Variants in RHOA observed in about 807,000 individuals in gnomAD.
The protein encoded by RHOA is transforming protein RhoA.
In RHOA, 3 loss-of-function variants were observed where a neutral mutation model predicts 17.5. The ratio of observed to expected loss-of-function variants is 0.17; its 90% confidence interval spans 0.08 to 0.44. The LOEUF is 0.44. RHOA is among the 20% of genes least tolerant of loss of function. The pLI, the probability that RHOA is intolerant of heterozygous loss-of-function variation, is 0.99. For missense variants in RHOA, 56 were observed against 242.3 expected (o/e 0.23, Z 5.10); for synonymous variants, 98 against 88.4 (o/e 1.11, Z -0.61).
intron 1 of RHOA, among the ~76,000 whole-genome samples, chr3:49,381,877 AGAC>A (rs951595170): frequency 6.6e-6 from 1 of 151,474 alleles, no homozygotes; most frequent in Non-Finnish European, 1.5e-5. Context: ...AAAAAAAAAA[AGAC>A]AGAGAGTGAA....
At chr3:49,371,713 C>G (rs2048149843) in intron 2 of RHOA, among the ~76,000 whole-genome samples, 1 of 152,204 alleles carries the variant, frequency 6.6e-6, no homozygotes, top group Non-Finnish European at 1.5e-5. Flanking sequence ...TTCCAGGGGA[C>G]TCTCCTCAAG....
chr3:49,370,425 T>C (rs193039647), intron 2 of RHOA, among the ~76,000 whole-genome samples: 248 of 152,278 alleles, frequency 1.6e-3, no homozygotes, highest in Non-Finnish European at 2.7e-3. Flanking sequence ...CTACCAGGCA[T>C]ACAGGCGAGA....
In RHOA at chr3:49,359,585, C is replaced by A. The variant is rs891870303; in HGVS notation, c.*624G>T. On this transcript the variant is annotated 3_prime_UTR_variant, in exon 5 of 5. Transcript: ENST00000418115. ...TTGAGGATGACAGTATTAGGAAATC[C>A]AATTATACAAAAAATACTACATCTA... 1 of 205,690 alleles carries A rather than the reference C, an allele frequency of 4.9e-6. No individual in the cohort carries two copies. The highest frequency in any genetic ancestry group is 1.0e-5 in the Non-Finnish European group (1 of 100,460). 12.7% of individuals were successfully genotyped at this position (205,690 alleles called of 1,614,324 possible).
rs1244172728 is a variant in RHOA at position 49,359,506 on chromosome 3, ATC to A, written c.*701_*702del. The A allele has an allele frequency of 2.0e-5, 4 of 197,774 alleles. No homozygotes were observed. The highest frequency in any genetic ancestry group is 4.2e-5 in the Non-Finnish European group (4 of 95,462). The allele number at this position is 197,774 out of a possible 1,614,324, so 12.3% of individuals were successfully genotyped here. A position where few individuals can be genotyped will look rare whatever the true frequency, so the allele number is the denominator to read the frequency against. ...CGGGAATTTAAAAAATGAATTTTCCATCTGACTTTATTTCCAAATACACTTTC... is the reference window on the plus strand; with the variant it reads ...CGGGAATTTAAAAAATGAATTTTCCATGACTTTATTTCCAAATACACTTTC... On this transcript the variant is annotated 3_prime_UTR_variant, in exon 5 of 5. Transcript: ENST00000418115.
At chr3:49,408,620 G>C (rs1357292052) in intron 1 of RHOA, among the ~76,000 whole-genome samples, 1 of 152,074 alleles carries the variant, frequency 6.6e-6, no homozygotes, top group Non-Finnish European at 1.5e-5. Flanking sequence ...AACCGTCTTG[G>C]AAATTTTAAT....
chr3:49,388,982 T>C (rs1010064310), intron 1 of RHOA, among the ~76,000 whole-genome samples: 2 of 152,044 alleles, frequency 1.3e-5, no homozygotes, highest in Non-Finnish European at 2.9e-5. Flanking sequence ...AAGAAACCAG[T>C]CACAAAGAAC....
intron 2 of RHOA, among the ~76,000 whole-genome samples, chr3:49,373,902 CCAAAAT>C (rs952933790): frequency 2.0e-5 from 3 of 150,736 alleles, no homozygotes; most frequent in Non-Finnish European, 4.4e-5. Context: ...CAAACCAAAA[CCAAAAT>C]TAAAACCCAA....
chr3:49,379,016 A>G (rs192921015), intron 1 of RHOA, among the ~76,000 whole-genome samples: 51 of 152,328 alleles, frequency 3.3e-4, no homozygotes, highest in African/African-American at 1.2e-3. Flanking sequence ...TGACCCTGCA[A>G]TTCTATTCCT....
intron 4 of RHOA, among the ~76,000 whole-genome samples, chr3:49,361,940 C>T (rs2047979016): frequency 6.6e-6 from 1 of 151,914 alleles, no homozygotes; most frequent in Non-Finnish European, 1.5e-5. Flanking sequence ...GTAATCCCTG[C>T]ACTTTGGGAG....
chr3:49,403,892 TACCAGGA>T (rs771800160), intron 1 of RHOA, among the ~76,000 whole-genome samples: 54 of 152,010 alleles, frequency 3.6e-4, no homozygotes, highest in Non-Finnish European at 6.0e-4. Flanking sequence ...TGTTCTTAAG[TACCAGGA>T]ACCAAGTAGT....
rs562317623 is a variant in RHOA, at chr3:49,401,488, G to A, written c.-3+10332C>T. 1.1e-4 allele frequency among the ~76,000 whole-genome samples: 17 copies of A among 151,428 alleles called. No homozygotes were observed. In the South Asian group the frequency reaches 3.5e-3, roughly 32 times the overall value. ...GGCAACATGGCGAAACCTCTGGGAGGCAAAGGTTGCAGTGAGTGGAGATCG... is the reference window on the plus strand; with the variant it reads ...GGCAACATGGCGAAACCTCTGGGAGACAAAGGTTGCAGTGAGTGGAGATCG... On this transcript the variant is annotated intron_variant, in intron 1 of 4. Coordinates refer to ENST00000418115, the MANE Select transcript of RHOA (RefSeq NM_001664.4).
At chr3:49,408,959 A>AC (rs1553636923) in intron 1 of RHOA, among the ~76,000 whole-genome samples, 1 of 151,446 alleles carries the variant, frequency 6.6e-6, no homozygotes, top group African/African-American at 2.4e-5. Flanking sequence ...CACCCAGCTA[A>AC]TTTTTTTTGT....
In RHOA at chr3:49,364,147, C is replaced by T. The variant is rs1027040547; in HGVS notation, c.278-1521G>A. Among the ~76,000 whole-genome samples, 90 of 151,638 alleles carry T rather than the reference C, an allele frequency of 5.9e-4. 1 individual carries two copies. The highest frequency in any genetic ancestry group is 1.3e-4 in the Non-Finnish European group (9 of 67,914). On this transcript the variant is annotated intron_variant, in intron 3 of 4. Transcript: ENST00000418115. ...GGTGGATCGCGTTAGGTCAGGAGTT[C>T]GAGACCAGTCTGGCCAACATGGTGA...
chr3:49,405,517 G>A (rs2048818639), intron 1 of RHOA, among the ~76,000 whole-genome samples: 1 of 152,110 alleles, frequency 6.6e-6, no homozygotes, highest in Non-Finnish European at 1.5e-5. Context: ...GAAATCTCAT[G>A]GCGCTTCCTT....
chr3:49,379,501 G>C (rs1575657260), intron 1 of RHOA, among the ~76,000 whole-genome samples: 1 of 152,178 alleles, frequency 6.6e-6, no homozygotes, highest in Non-Finnish European at 1.5e-5. Flanking sequence ...ATTGATTATA[G>C]TATATATAAT....
intron 1 of RHOA, among the ~76,000 whole-genome samples, chr3:49,382,581 A>G (rs1400302739): frequency 6.6e-6 from 1 of 152,132 alleles, no homozygotes; most frequent in Admixed American, 6.6e-5. Context: ...GGTTGCAGTG[A>G]GCTGAAATCA....
At chr3:49,395,520 CTAGCCAACATG>C (rs1314612150) in intron 1 of RHOA, among the ~76,000 whole-genome samples, 3 of 152,048 alleles carry the variant, frequency 2.0e-5, no homozygotes, top group African/African-American at 7.2e-5. Flanking sequence ...CAAGACCAGC[CTAGCCAACATG>C]GTGAAACCCC....
chr3:49,372,775 G>C (rs1221065277), intron 2 of RHOA, among the ~76,000 whole-genome samples: 1 of 151,206 alleles, frequency 6.6e-6, no homozygotes, highest in Non-Finnish European at 1.5e-5. Flanking sequence ...TATGAAAGAG[G>C]GTTTTGAACA....
chr3:49,404,802 G>A (rs2048795736), intron 1 of RHOA, among the ~76,000 whole-genome samples: 1 of 150,798 alleles, frequency 6.6e-6, no homozygotes, highest in African/African-American at 2.4e-5. Context: ...GCCAGGCGTG[G>A]CAGCATGCAC....
Sources: gnomAD v4.1 joint callset for allele counts (sites outside exome capture counted in the v4.1 genomes callset) on GRCh38, gnomAD v4.1.1 for gene constraint, MANE v1.5 for transcripts, NCBI Gene and HGNC (gene_info 2026-07-23, HGNC 2026-07-21) for gene names.